Variants in WASF2 observed in about 807,000 individuals in gnomAD.
WASF2 encodes WASP family member 2.
In WASF2, 14 loss-of-function variants were observed where a neutral mutation model predicts 45.0. That is an observed-to-expected ratio of 0.31 (90% CI 0.21 to 0.49). WASF2 has a LOEUF of 0.49. Ranked by LOEUF, WASF2 falls within the 20% of genes least tolerant of loss-of-function variation. The pLI is 0.99. For synonymous variants in WASF2, 200 were observed against 236.3 expected (o/e 0.85, Z 1.41); for missense variants, 439 against 636.1 (o/e 0.69, Z 3.33).
chr1:27,446,695 C>T (rs543780233), intron 1 of WASF2, among the ~76,000 whole-genome samples: 9 of 150,872 alleles, frequency 6.0e-5, no homozygotes, highest in South Asian at 2.1e-4. Context: ...GTGGGTGGAT[C>T]GCTTGAGCCT....
intron 1 of WASF2, among the ~76,000 whole-genome samples, chr1:27,489,414 C>A (rs1227112607): frequency 8.4e-6 from 1 of 119,222 alleles, no homozygotes; most frequent in Non-Finnish European, 1.6e-5. Flanking sequence ...ATTTAGCAGG[C>A]CGGGGCCTCA....
chr1:27,454,181 ATATATAT>A (rs1415958575), intron 1 of WASF2, among the ~76,000 whole-genome samples: 1 of 9,762 alleles, frequency 1.0e-4, no homozygotes, highest in African/African-American at 2.3e-4. Flanking sequence ...ATATATATAT[ATATATAT>A]TTTTTTTTTT....
At position 27,471,728 on chromosome 1, in the gene WASF2, G is replaced by C. The variant is rs151263480; in HGVS notation, c.-44+18258C>G. Among the ~76,000 whole-genome samples, 562 of 152,300 alleles carry C rather than the reference G, an allele frequency of 3.7e-3. 5 individuals are homozygous for C. The highest frequency in any genetic ancestry group is 0.013 in the African/African-American group (536 of 41,578). On this transcript the variant is annotated intron_variant, in intron 1 of 8. Coordinates refer to ENST00000618852, the MANE Select transcript of WASF2 (RefSeq NM_006990.5). The stretch of plus-strand genomic sequence containing the variant: ...CTTAGGGACTGACAAAGGAGGATCA[G>C]GAAGGCAGAAAGAGAACCAGAACAA...
In WASF2 at chr1:27,416,078, T is replaced by G. The variant is rs1322897027; in HGVS notation, c.444A>C (p.Lys148Asn). The part of the protein sequence containing the change: ...PYRDDGKEAL[K>N]FYTDPSYFFD... ...AGAAGTATGAAGGGTCTGTGTAGAA[T>G]TTGAGTGCCTCTTTTCCATCGTCCC... Residue 148 changes from lysine to asparagine, a missense_variant, in exon 5 of 9, where the codon AAA (lysine) becomes AAC (asparagine). Around this residue, in one of 5 missense-constraint regions of WASF2, gnomAD observed 98 missense variants for 120.7 expected, o/e 0.81. Transcript: ENST00000618852. 1 of 1,614,052 alleles carries G rather than the reference T, an allele frequency of 6.2e-7. No homozygotes were observed. Among genetic ancestry groups the G allele is most frequent in the South Asian group, 1.1e-5 (1 of 91,080 alleles).
chr1:27,461,496 T>C (rs1015606519), intron 1 of WASF2, among the ~76,000 whole-genome samples: 1 of 149,180 alleles, frequency 6.7e-6, no homozygotes, highest in Non-Finnish European at 1.5e-5. Context: ...AGTCTCGCTC[T>C]GTCTCCCCGG....
chr1:27,423,660 A>C (rs1317291234), intron 2 of WASF2, among the ~76,000 whole-genome samples: 1 of 152,248 alleles, frequency 6.6e-6, no homozygotes, highest in East Asian at 1.9e-4. Flanking sequence ...CACTCAGATT[A>C]CCAAGACAGA....
In WASF2 at chr1:27,414,570, C is replaced by T. The variant is rs540057144; in HGVS notation, c.668+263G>A. Among the ~76,000 whole-genome samples the T allele has an allele frequency of 8.5e-4, 129 of 152,288 alleles. No homozygotes were observed. The highest frequency in any genetic ancestry group is 2.9e-3 in the African/African-American group (121 of 41,542). ...CTCTGGGGCCCTTAGATGTGTATCT[C>T]GCAGAGTAAGGGCACTAGGAGCCAT... On this transcript the variant is annotated intron_variant, in intron 6 of 8. Coordinates refer to ENST00000618852, the MANE Select transcript of WASF2 (RefSeq NM_006990.5). This position sits in a 1 kb window ranked among gnomAD's most constrained non-coding sequence, Gnocchi z 4.1.
At position 27,408,115 on chromosome 1, in the gene WASF2, G is replaced by T. The variant is rs569649961; in HGVS notation, c.*74C>A. 4 of 1,554,054 alleles carry T rather than the reference G, an allele frequency of 2.6e-6. No homozygotes were observed. In the African/African-American group the frequency reaches 5.5e-5, roughly 21 times the overall value. On this transcript the variant is annotated 3_prime_UTR_variant, in exon 9 of 9. Transcript: ENST00000618852. ...TTTTCCTCCCTTTTCTCCCCCTACG[G>T]GTCTGTTGGGGTTGGCATCAAAGAA...
intron 1 of WASF2, among the ~76,000 whole-genome samples, chr1:27,449,179 C>T (rs948846057): frequency 1.3e-5 from 2 of 152,148 alleles, no homozygotes; most frequent in Non-Finnish European, 2.9e-5. Context: ...TACCATCACA[C>T]GGGATTAAAA....
chr1:27,459,949 T>C (rs975064577), intron 1 of WASF2, among the ~76,000 whole-genome samples: 2 of 152,210 alleles, frequency 1.3e-5, no homozygotes, highest in Non-Finnish European at 2.9e-5. Context: ...CAACCTCTAA[T>C]TGGACGCAGC....
intron 8 of WASF2, among the ~76,000 whole-genome samples, chr1:27,409,252 A>G (rs1446645653): frequency 2.0e-5 from 3 of 151,626 alleles, no homozygotes; most frequent in East Asian, 1.9e-4. Context: ...GTAAAACTCC[A>G]TCTCTACTAA....
intron 1 of WASF2, among the ~76,000 whole-genome samples, chr1:27,453,417 CCCTGTGT>C (rs2017412167): frequency 6.6e-6 from 1 of 151,214 alleles, no homozygotes. Context: ...AATGATGAAA[CCCTGTGT>C]CCACTAAAAA....
intron 1 of WASF2, among the ~76,000 whole-genome samples, chr1:27,446,015 G>A (rs1488696670): frequency 6.6e-6 from 1 of 151,840 alleles, no homozygotes; most frequent in Non-Finnish European, 1.5e-5. Flanking sequence ...TATATCAGAA[G>A]TGAGTTTTCT....
chr1:27,454,130 T>TAA (rs1362389403), intron 1 of WASF2, among the ~76,000 whole-genome samples: 1 of 7,550 alleles, frequency 1.3e-4, no homozygotes, highest in Non-Finnish European at 3.8e-4. Context: ...TGTGTGTATA[T>TAA]ATATATGTGT....
chr1:27,479,248 T>G (rs1221615996), intron 1 of WASF2, among the ~76,000 whole-genome samples: 1 of 151,122 alleles, frequency 6.6e-6, no homozygotes, highest in Non-Finnish European at 1.5e-5. Flanking sequence ...ACTGCGCCAC[T>G]GCACTCCAGT....
intron 1 of WASF2, among the ~76,000 whole-genome samples, chr1:27,443,925 C>T (rs1303430047): frequency 6.6e-6 from 1 of 152,106 alleles, no homozygotes; most frequent in South Asian, 2.1e-4. Flanking sequence ...GGATTACAGG[C>T]ACCCACCACC....
intron 1 of WASF2, among the ~76,000 whole-genome samples, chr1:27,479,525 T>C (rs1013650569): frequency 1.3e-5 from 2 of 152,258 alleles, no homozygotes; most frequent in African/African-American, 4.8e-5. Context: ...TTGAATAATT[T>C]TGAGGAAGTT....
chr1:27,451,149 A>G (rs150642819), intron 1 of WASF2, among the ~76,000 whole-genome samples: 121 of 152,252 alleles, frequency 7.9e-4, no homozygotes, highest in African/African-American at 2.8e-3. Context: ...TGTGCCACAC[A>G]CTTAGGATAT....
chr1:27,419,310 T>C (rs2016869926), intron 2 of WASF2, among the ~76,000 whole-genome samples: 1 of 152,230 alleles, frequency 6.6e-6, no homozygotes, highest in Non-Finnish European at 1.5e-5. Context: ...AATAGAGTCT[T>C]CTTGACAGAC....
Sources: gnomAD v4.1 joint callset for allele counts (sites outside exome capture counted in the v4.1 genomes callset) on GRCh38, gnomAD v4.1.1 for gene constraint, gnomAD v4.1.1 regional missense constraint, Gnocchi (gnomAD v3.1) non-coding constraint, MANE v1.5 for transcripts, NCBI Gene and HGNC (gene_info 2026-07-23, HGNC 2026-07-21) for gene names.